KHDRBS2: variants seen among roughly 807,000 people sequenced by gnomAD.
KHDRBS2 encodes the protein KH RNA binding domain containing, signal transduction associated 2.
In KHDRBS2, 26 loss-of-function variants were observed where a neutral mutation model predicts 44.3. The ratio of observed to expected loss-of-function variants is 0.59; its 90% confidence interval spans 0.43 to 0.81. The LOEUF is 0.81. Among genes scored for constraint, KHDRBS2 ranks in the 40% least tolerant of loss-of-function variants. KHDRBS2 has a pLI of 0.00. For missense variants in KHDRBS2, 476 were observed against 433.1 expected (o/e 1.10, Z -0.88); for synonymous variants, 194 against 151.1 (o/e 1.28, Z -2.08).
intron 4 of KHDRBS2, among the ~76,000 whole-genome samples, chr6:61,909,069 G>C (rs1583456271): frequency 6.8e-6 from 1 of 147,846 alleles, no homozygotes; most frequent in African/African-American, 2.5e-5. Context: ...ATCATATATA[G>C]ATTTTTTTTT....
At chr6:61,824,970 G>T (rs988735466) in intron 6 of KHDRBS2, among the ~76,000 whole-genome samples, 2 of 152,012 alleles carry the variant, frequency 1.3e-5, no homozygotes, top group African/African-American at 4.8e-5. Context: ...TATTAAAACT[G>T]GGAAAATTCC....
chr6:61,571,071 A>C, the KHDRBS2 span, among the ~76,000 whole-genome samples: 1 of 152,154 alleles, frequency 6.6e-6, no homozygotes, highest in African/African-American at 2.4e-5. Flanking sequence ...CTCACATCTC[A>C]ATACAAACAT....
chr6:61,813,797 G>C (rs776121142), intron 6 of KHDRBS2, among the ~76,000 whole-genome samples: 2 of 152,078 alleles, frequency 1.3e-5, no homozygotes, highest in Non-Finnish European at 2.9e-5. Context: ...GAATAAACTA[G>C]ATAGTGGTTA....
intron 2 of KHDRBS2, among the ~76,000 whole-genome samples, chr6:62,052,374 C>T (rs1341023947): frequency 2.7e-5 from 4 of 149,196 alleles, no homozygotes; most frequent in Non-Finnish European, 5.9e-5. Flanking sequence ...AAGCCAGACA[C>T]AAAAAGAAAA....
chr6:62,195,560 A>G (rs1271316461), intron 1 of KHDRBS2, among the ~76,000 whole-genome samples: 9 of 152,184 alleles, frequency 5.9e-5, no homozygotes, highest in Non-Finnish European at 1.2e-4. Context: ...AGCATGGCTC[A>G]CTATTTTTTT....
intron 6 of KHDRBS2, among the ~76,000 whole-genome samples, chr6:61,843,341 T>TTTTTTA (rs369055618): frequency 2.1e-5 from 3 of 143,366 alleles, no homozygotes; most frequent in South Asian, 2.2e-4. Flanking sequence ...TTATATCTAT[T>TTTTTTA]TTATTATTAT....
At chr6:62,215,713 C>T (rs1829868704) in intron 1 of KHDRBS2, among the ~76,000 whole-genome samples, 1 of 151,704 alleles carries the variant, frequency 6.6e-6, no homozygotes, top group Non-Finnish European at 1.5e-5. Flanking sequence ...GGTTTCATAA[C>T]TCCAGAATAC....
At position 62,098,470 on chromosome 6, in the gene KHDRBS2, C is replaced by T. The variant is rs1801147027; in HGVS notation, c.220-50476G>A. On this transcript the variant is annotated intron_variant, in intron 2 of 8. Coordinates refer to ENST00000281156, the MANE Select transcript of KHDRBS2 (RefSeq NM_152688.4). ...TGAGCACTTTGACTATATCATCACA[C>T]TCCCTCCTGGCCTGTAAGATTTCTG... Among the ~76,000 whole-genome samples the T allele has an allele frequency of 3.3e-5, 5 of 150,152 alleles. No homozygotes were observed. In the South Asian group the frequency reaches 1.1e-3, roughly 32 times the overall value.
intron 4 of KHDRBS2, among the ~76,000 whole-genome samples, chr6:61,929,789 C>T: frequency 6.6e-6 from 1 of 152,072 alleles, no homozygotes; most frequent in East Asian, 1.9e-4. Flanking sequence ...TCTACATTTC[C>T]TACAGATATA....
At chr6:61,824,313 C>T (rs1345701376) in intron 6 of KHDRBS2, among the ~76,000 whole-genome samples, 1 of 152,056 alleles carries the variant, frequency 6.6e-6, no homozygotes, top group East Asian at 1.9e-4. Flanking sequence ...TGTGCTGTCT[C>T]GTGATAGAGT....
chr6:61,906,222 C>A (rs149192720), intron 4 of KHDRBS2, among the ~76,000 whole-genome samples: 1 of 151,994 alleles, frequency 6.6e-6, no homozygotes, highest in Non-Finnish European at 1.5e-5. Context: ...ATATTCTGTG[C>A]ATTATAATTT....
chr6:61,733,525 G>A (rs1401073651), intron 6 of KHDRBS2, among the ~76,000 whole-genome samples: 1 of 151,890 alleles, frequency 6.6e-6, no homozygotes, highest in East Asian at 1.9e-4. Flanking sequence ...GAACCTGGGA[G>A]GCAGAGGTTG....
chr6:62,245,821 C>T (rs1358899561), intron 1 of KHDRBS2, among the ~76,000 whole-genome samples: 2 of 151,778 alleles, frequency 1.3e-5, no homozygotes, highest in Non-Finnish European at 2.9e-5. Flanking sequence ...TGGATCTTCT[C>T]TCACGTCTTT....
intron 2 of KHDRBS2, among the ~76,000 whole-genome samples, chr6:62,065,354 T>G (rs1793342549): frequency 6.6e-6 from 1 of 151,746 alleles, no homozygotes; most frequent in Non-Finnish European, 1.5e-5. Flanking sequence ...TGCGGCATTA[T>G]TCACAATAGC....
At chr6:61,885,796 C>A (rs1482035991) in intron 6 of KHDRBS2, among the ~76,000 whole-genome samples, 2 of 151,844 alleles carry the variant, frequency 1.3e-5, no homozygotes, top group Non-Finnish European at 2.9e-5. Flanking sequence ...ATTTATAATC[C>A]CCTCCCACAG....
intron 6 of KHDRBS2, among the ~76,000 whole-genome samples, chr6:61,749,009 C>CTTTTTTTTTT (rs34423906): frequency 1.9e-4 from 18 of 97,222 alleles, no homozygotes; most frequent in African/African-American, 3.7e-4. Context: ...TTCTTTCTTT[C>CTTTTTTTTTT]TTTTTTTTTT....
At chr6:61,977,440 C>G (rs964836196) in intron 4 of KHDRBS2, among the ~76,000 whole-genome samples, 4 of 152,114 alleles carry the variant, frequency 2.6e-5, no homozygotes, top group African/African-American at 9.7e-5. Flanking sequence ...GTATGCAACC[C>G]TGAATTTGTT....
chr6:61,661,927 C>T, the KHDRBS2 span, among the ~76,000 whole-genome samples: 1 of 151,728 alleles, frequency 6.6e-6, no homozygotes, highest in Non-Finnish European at 1.5e-5. Flanking sequence ...CAAAAAAGAG[C>T]CCGCATCGCC....
rs553075580 is a variant in KHDRBS2, at chr6:61,752,328, G to A, written c.811-19564C>T. Among the ~76,000 whole-genome samples, 40 of 152,136 alleles carry A rather than the reference G, an allele frequency of 2.6e-4. No homozygotes were observed. The South Asian group carries it at 2.7e-3, about 10-fold the overall frequency. Reference sequence around the variant, plus strand: ...CTATTTCAAAGGTGAGAAGAATAAGGCTCACAGAGTTTAGCAACATGCTCA... The same window carrying A: ...CTATTTCAAAGGTGAGAAGAATAAGACTCACAGAGTTTAGCAACATGCTCA... On this transcript the variant is annotated intron_variant, in intron 6 of 8. Coordinates refer to ENST00000281156, the MANE Select transcript of KHDRBS2 (RefSeq NM_152688.4).
Sources: allele counts gnomAD v4.1 joint callset (sites outside exome capture counted in the v4.1 genomes callset), GRCh38; gene constraint gnomAD v4.1.1; transcripts MANE v1.5; gene names NCBI Gene and HGNC (gene_info 2026-07-23, HGNC 2026-07-21).